Variants in CDK14 observed in about 807,000 individuals in gnomAD.
The protein encoded by CDK14 is cyclin-dependent kinase 14.
In CDK14, 34 loss-of-function variants were observed where a neutral mutation model predicts 60.7. That is an observed-to-expected ratio of 0.56 (90% CI 0.43 to 0.75). The LOEUF (loss-of-function observed/expected upper bound fraction) is 0.75. Among genes scored for constraint, CDK14 ranks in the 30% least tolerant of loss-of-function variants. The pLI is 0.00. For synonymous variants in CDK14, 197 were observed against 203.7 expected (o/e 0.97, Z 0.28); for missense variants, 482 against 564.1 (o/e 0.85, Z 1.47).
intron 8 of CDK14, among the ~76,000 whole-genome samples, chr7:90,933,650 A>C (rs189940760): frequency 3.3e-5 from 5 of 152,318 alleles, no homozygotes; most frequent in African/African-American, 9.6e-5. Flanking sequence ...TTTGCTTGGG[A>C]GATTTAGAGA....
intron 2 of CDK14, among the ~76,000 whole-genome samples, chr7:90,619,765 G>A (rs1163693754): frequency 6.6e-6 from 1 of 152,212 alleles, no homozygotes; most frequent in Non-Finnish European, 1.5e-5. Flanking sequence ...GGAGGACGAG[G>A]TGGGCGCATT....
intron 10 of CDK14, 21 bp from the exon 11 acceptor site, chr7:91,045,876 C>T (rs1418222863): frequency 5.8e-6 from 9 of 1,551,710 alleles, no homozygotes; most frequent in Admixed American, 1.7e-5. Context: ...GCTGTTTCCA[C>T]AATCTCCTAC....
chr7:91,126,930 G>A (rs1799968257), intron 14 of CDK14, among the ~76,000 whole-genome samples: 2 of 151,992 alleles, frequency 1.3e-5, no homozygotes, highest in Admixed American at 1.3e-4. Flanking sequence ...GATCAGATGA[G>A]TTCCTCTTAG....
chr7:90,872,307 T>G (rs1584070142), intron 6 of CDK14, among the ~76,000 whole-genome samples: 2 of 152,306 alleles, frequency 1.3e-5, no homozygotes, highest in East Asian at 3.9e-4. Context: ...GGAGAACTAG[T>G]TATGCTGTAT....
chr7:90,930,539 T>C (rs1462430193), intron 8 of CDK14, among the ~76,000 whole-genome samples: 5 of 115,696 alleles, frequency 4.3e-5, no homozygotes, highest in Non-Finnish European at 8.8e-5. Flanking sequence ...CTTTTTTTTT[T>C]TTTTTTTTTT....
intron 7 of CDK14, among the ~76,000 whole-genome samples, chr7:90,913,244 G>A (rs1292452347): frequency 6.6e-6 from 1 of 152,188 alleles, no homozygotes; most frequent in Non-Finnish European, 1.5e-5. Flanking sequence ...GCTAAAGCTT[G>A]AGTTTTAAAG....
chr7:90,693,813 T>C (rs1159300731), intron 2 of CDK14, among the ~76,000 whole-genome samples: 2 of 152,198 alleles, frequency 1.3e-5, no homozygotes, highest in African/African-American at 4.8e-5. Context: ...TTGGTATTAA[T>C]TGTAAACTTG....
intron 3 of CDK14, among the ~76,000 whole-genome samples, chr7:90,730,541 C>G (rs1298180675): frequency 6.6e-6 from 1 of 152,110 alleles, no homozygotes; most frequent in Non-Finnish European, 1.5e-5. Context: ...TTTCAATGAT[C>G]ATCATTCTAA....
At chr7:90,643,656 C>T (rs1023125097) in intron 2 of CDK14, among the ~76,000 whole-genome samples, 12 of 152,084 alleles carry the variant, frequency 7.9e-5, no homozygotes, top group African/African-American at 1.2e-4. Context: ...AATAATACAG[C>T]GTGACGTTAA....
At chr7:90,683,897 CGTGTGTGTGTGTGT>C (rs35197919) in intron 2 of CDK14, among the ~76,000 whole-genome samples, 7 of 145,762 alleles carry the variant, frequency 4.8e-5, no homozygotes, top group East Asian at 4.1e-4. Flanking sequence ...AGAAAATGTA[CGTGTGTGTGTGTGT>C]GTGTGTGTGT....
chr7:90,855,354 T>G (rs1790787011), intron 5 of CDK14, among the ~76,000 whole-genome samples: 2 of 152,242 alleles, frequency 1.3e-5, no homozygotes, highest in African/African-American at 4.8e-5. Context: ...TATAGTTCCA[T>G]ATTGTATAAA....
At chr7:90,681,730 T>G (rs761909307) in intron 2 of CDK14, among the ~76,000 whole-genome samples, 9 of 152,214 alleles carry the variant, frequency 5.9e-5, no homozygotes, top group Non-Finnish European at 8.8e-5. Context: ...GACAACTCTA[T>G]ATAGACTGCA....
intron 6 of CDK14, among the ~76,000 whole-genome samples, chr7:90,870,354 G>A (rs758191334): frequency 3.3e-5 from 5 of 152,138 alleles, no homozygotes; most frequent in Admixed American, 6.5e-5. Context: ...GGTGGAGGCT[G>A]GGAGAAGGGA....
At chr7:91,044,874 A>T (rs1240367716) in intron 10 of CDK14, among the ~76,000 whole-genome samples, 1 of 152,118 alleles carries the variant, frequency 6.6e-6, no homozygotes, top group Non-Finnish European at 1.5e-5. Flanking sequence ...AGCCTCCCTG[A>T]TCCGAACAGA....
chr7:90,621,612 TTTTC>T (rs1314651480), intron 2 of CDK14, among the ~76,000 whole-genome samples: 2 of 100,512 alleles, frequency 2.0e-5, no homozygotes, highest in Non-Finnish European at 4.2e-5. Flanking sequence ...TTCAGACTTT[TTTTC>T]CTTCCTTCCT....
intron 8 of CDK14, among the ~76,000 whole-genome samples, chr7:90,953,820 T>C (rs924357126): frequency 2.0e-5 from 3 of 152,220 alleles, no homozygotes; most frequent in Non-Finnish European, 4.4e-5. Context: ...CCTGGCTCTT[T>C]AGTCTCCATA....
rs1413076217 is a variant in CDK14, at chr7:91,198,651, T to C, written c.*29-8514T>C. On this transcript the variant is annotated intron_variant, in intron 14 of 14. Transcript: ENST00000380050. Reference sequence around the variant, plus strand: ...GACTTCTGGTTCATGCTGACATCATTCTGTATTAAGCAAAATTATATGTGA... The same window carrying C: ...GACTTCTGGTTCATGCTGACATCATCCTGTATTAAGCAAAATTATATGTGA... Among the ~76,000 whole-genome samples, 3 of 152,198 alleles carry C rather than the reference T, an allele frequency of 2.0e-5. No individual in the cohort carries two copies. In the East Asian group the frequency reaches 5.8e-4, roughly 29 times the overall value.
chr7:91,117,032 C>T (rs1584084671), intron 13 of CDK14, among the ~76,000 whole-genome samples: 1 of 148,754 alleles, frequency 6.7e-6, no homozygotes, highest in African/African-American at 2.5e-5. Context: ...GTCCTGTCTT[C>T]CCTGACTTGA....
chr7:90,747,694 A>G lies in CDK14; in HGVS notation c.383A>G (p.Lys128Arg), dbSNP rs1386447874. ...CTTCATTTTTAGCCAACAAGTCCCA[A>G]ATTTGGAAAAGCTGACTCATATGAA... ...HSSPSSPTSP[K>R]FGKADSYEKL... Residue 128 changes from lysine (K) to arginine (R), a missense_variant, in exon 4 of 15, where the codon AAA becomes AGA. Transcript: ENST00000380050. 1.9e-6 allele frequency: 3 copies of G among 1,597,362 alleles called. No individual in the cohort carries two copies. The African/African-American group carries it at 4.1e-5, about 22-fold the overall frequency.
Sources: gnomAD v4.1 joint callset for allele counts (sites outside exome capture counted in the v4.1 genomes callset) on GRCh38, gnomAD v4.1.1 for gene constraint, MANE v1.5 for transcripts, NCBI Gene and HGNC (gene_info 2026-07-23, HGNC 2026-07-21) for gene names.